The following MPV17L variants were observed in gnomAD, a reference collection of about 807,000 sequenced individuals.
MPV17L encodes mpv17-like protein.
A neutral mutation model predicts 25.8 loss-of-function variants in MPV17L; 24 were observed. That is an observed-to-expected ratio of 0.93 (90% CI 0.67 to 1.31). The LOEUF is 1.31. Ranked by LOEUF, MPV17L falls within the 50% of genes most tolerant of loss-of-function variation. The probability of loss-of-function intolerance (pLI) is 0.00; values close to 1 mark genes in which losing one functional copy is unlikely to be tolerated. For synonymous variants in MPV17L, 102 were observed against 115.3 expected (o/e 0.88, Z 0.74); for missense variants, 250 against 265.6 (o/e 0.94, Z 0.41).
chr16:15,397,367 T>C (rs1567429382), intron 1 of MPV17L, among the ~76,000 whole-genome samples: 2 of 152,176 alleles, frequency 1.3e-5, no homozygotes, highest in Non-Finnish European at 2.9e-5. Context: ...ACTTAGGAGC[T>C]GATTTAAACA....
chr16:15,409,770 C>T lies in MPV17L; in HGVS notation c.*1658C>T, dbSNP rs971712509. On this transcript the variant is annotated 3_prime_UTR_variant, in exon 4 of 4. Transcript: ENST00000396385. ...TCAACTGATCCACTCTCATTGGCCT[C>T]CCAAGGTGCTGGGATTATAGGCATG... 3.3e-5 allele frequency: 5 copies of T among 152,194 alleles called. No homozygotes were observed. Among genetic ancestry groups the T allele is most frequent in the South Asian group, 4.1e-4 (2 of 4,836 alleles). The allele number at this position is 152,194 out of a possible 1,614,324, so 9.4% of individuals were successfully genotyped here. A position where few individuals can be genotyped will look rare whatever the true frequency, so the allele number is the denominator to read the frequency against.
intron 2 of MPV17L, 117 bp from the exon 3 acceptor site, chr16:15,407,707 A>T: frequency 1.1e-6 from 1 of 951,970 alleles, no homozygotes; most frequent in South Asian, 1.7e-5. Flanking sequence ...GCACCACTGC[A>T]CTCCAGTCTG....
chr16:15,395,918 G>T lies in MPV17L; in HGVS notation c.21G>T (p.Ala7=). The part of the protein sequence containing the change: MAGWWP[A]LSRAARRHPW... ...CGGACATGGCGGGCTGGTGGCCGGCGTTGTCGCGCGCGGCCCGGCGCCACC... is the reference window on the plus strand; with the variant it reads ...CGGACATGGCGGGCTGGTGGCCGGCTTTGTCGCGCGCGGCCCGGCGCCACC... The change falls in exon 1 of 4, where the codon GCG becomes GCT. Residue 7 remains alanine, a synonymous_variant. Transcript: ENST00000396385. 2.8e-6 allele frequency: 4 copies of T among 1,427,502 alleles called. No individual in the cohort carries two copies. The highest frequency in any genetic ancestry group is 3.6e-6 in the Non-Finnish European group (4 of 1,101,922). The allele number at this position is 1,427,502 out of a possible 1,614,324, so 88.4% of individuals were successfully genotyped here.
chr16:15,403,251 C>G (rs1186378069), intron 2 of MPV17L, among the ~76,000 whole-genome samples: 1 of 151,644 alleles, frequency 6.6e-6, no homozygotes, highest in Admixed American at 6.6e-5. Context: ...AGCCTGTAGT[C>G]CCAGCTACTT....
chr16:15,403,067 T>C (rs1450388533), intron 2 of MPV17L, among the ~76,000 whole-genome samples: 1 of 151,956 alleles, frequency 6.6e-6, no homozygotes, highest in African/African-American at 2.4e-5. Context: ...AACTTTTTTT[T>C]TTTTTTTTTT....
At chr16:15,405,616 T>C (rs1405450586) in intron 2 of MPV17L, among the ~76,000 whole-genome samples, 2 of 151,788 alleles carry the variant, frequency 1.3e-5, no homozygotes, top group African/African-American at 4.8e-5. Flanking sequence ...GTCCTGCTAA[T>C]TTTTATTTTT....
chr16:15,412,904 C>G lies in MPV17L; in HGVS notation c.*4792C>G, dbSNP rs1221765774. 6.6e-6 allele frequency: 1 copy of G among 152,066 alleles called. No individual in the cohort carries two copies. Among genetic ancestry groups the G allele is most frequent in the Non-Finnish European group, 1.5e-5 (1 of 68,008 alleles). The allele number at this position is 152,066 out of a possible 1,614,324, so 9.4% of individuals were successfully genotyped here. ...CTGGAACTGCAATTTCTAACTCATA[C>G]ATCATTGCTATAAACCTTATTTGTT... On this transcript the variant is annotated 3_prime_UTR_variant, in exon 4 of 4. Transcript: ENST00000396385.
At position 15,412,454 on chromosome 16, in the gene MPV17L, A is replaced by C. The variant is rs1353764587; in HGVS notation, c.*4342A>C. On this transcript the variant is annotated 3_prime_UTR_variant, in exon 4 of 4. Transcript: ENST00000396385. ...ATAAAAAAAAAAAAAAAGAAAGAAA[A>C]GTAAATTAACTTTGGTATTTCAGGT... The C allele has an allele frequency of 6.6e-6, 1 of 151,608 alleles. No homozygotes were observed. Among genetic ancestry groups the C allele is most frequent in the Non-Finnish European group, 1.5e-5 (1 of 67,934 alleles). The allele number at this position is 151,608 out of a possible 1,614,324, so 9.4% of individuals were successfully genotyped here. A position where few individuals can be genotyped will look rare whatever the true frequency, so the allele number is the denominator to read the frequency against.
chr16:15,406,790 G>T (rs899339197), intron 2 of MPV17L, among the ~76,000 whole-genome samples: 3 of 151,736 alleles, frequency 2.0e-5, no homozygotes, highest in Non-Finnish European at 2.9e-5. Context: ...GCCGAGCATG[G>T]TGTCAGGCAC....
chr16:15,396,937 T>G (rs1279435694), intron 1 of MPV17L, among the ~76,000 whole-genome samples: 3 of 151,680 alleles, frequency 2.0e-5, no homozygotes, highest in Non-Finnish European at 4.4e-5. Context: ...GGGCCTGGGG[T>G]GTGGGGGACA....
At chr16:15,396,877 C>CTA (rs1442731563) in intron 1 of MPV17L, among the ~76,000 whole-genome samples, 1 of 152,072 alleles carries the variant, frequency 6.6e-6, no homozygotes, top group Non-Finnish European at 1.5e-5. Flanking sequence ...CCATGGAGGA[C>CTA]TATATACCTG....
At chr16:15,405,168 T>C (rs2050669767) in intron 2 of MPV17L, among the ~76,000 whole-genome samples, 1 of 151,958 alleles carries the variant, frequency 6.6e-6, no homozygotes, top group Admixed American at 6.6e-5. Flanking sequence ...TTCCTTTTAG[T>C]GGGGGAATGA....
chr16:15,400,956 T>C (rs2050629717), intron 2 of MPV17L, 99 bp downstream of exon 2: 15 of 776,880 alleles, frequency 1.9e-5, no homozygotes, highest in Non-Finnish European at 2.7e-5. Context: ...TTTATAAAGA[T>C]TAAAAAATCT....
At chr16:15,402,010 T>C (rs1447342806) in intron 2 of MPV17L, among the ~76,000 whole-genome samples, 1 of 152,194 alleles carries the variant, frequency 6.6e-6, no homozygotes, top group Non-Finnish European at 1.5e-5. Context: ...TTATAGATTG[T>C]GAGTGGCTTA....
Position 15,409,516 on chromosome 16 carries a change from T to G in MPV17L, c.*1404T>G, listed in dbSNP as rs1289249853. ...AGGTTCTTTTTAATTCTCCCCACCCTTGAGAATGTACTTTGTGAGATCCAC... is the reference window on the plus strand; with the variant it reads ...AGGTTCTTTTTAATTCTCCCCACCCGTGAGAATGTACTTTGTGAGATCCAC... On this transcript the variant is annotated 3_prime_UTR_variant, in exon 4 of 4. Coordinates refer to ENST00000396385, the MANE Select transcript of MPV17L (RefSeq NM_001128423.2). The G allele has an allele frequency of 6.6e-6, 1 of 152,174 alleles. No homozygotes were observed. The highest frequency in any genetic ancestry group is 2.1e-4 in the South Asian group (1 of 4,828). The allele number at this position is 152,174 out of a possible 1,614,324, so 9.4% of individuals were successfully genotyped here.
chr16:15,402,995 A>G (rs537278609), intron 2 of MPV17L, among the ~76,000 whole-genome samples: 94 of 151,856 alleles, frequency 6.2e-4, no homozygotes, highest in Admixed American at 2.1e-3. Context: ...CTTCTGTTTT[A>G]CTTTAGAAAA....
chr16:15,399,618 G>C (rs544160655), intron 1 of MPV17L: 3 of 248,054 alleles, frequency 1.2e-5, no homozygotes, highest in African/African-American at 7.0e-5. Context: ...TATTGCCCAG[G>C]CTGTGAATTT....
intron 2 of MPV17L, among the ~76,000 whole-genome samples, chr16:15,405,835 G>A (rs1162787394): frequency 5.3e-5 from 8 of 150,690 alleles, no homozygotes; most frequent in Non-Finnish European, 1.0e-4. Context: ...ACCTGAGCTC[G>A]GGAATTTGAG....
intron 2 of MPV17L, among the ~76,000 whole-genome samples, chr16:15,404,261 G>A (rs1190260113): frequency 1.3e-5 from 2 of 152,182 alleles, no homozygotes; most frequent in Non-Finnish European, 2.9e-5. Context: ...TGTTCACAGA[G>A]TATTTGTTGA....
Sources: allele counts gnomAD v4.1 joint callset (sites outside exome capture counted in the v4.1 genomes callset), GRCh38; gene constraint gnomAD v4.1.1; transcripts MANE v1.5; gene names NCBI Gene and HGNC (gene_info 2026-07-23, HGNC 2026-07-21).